RANBP2: variants seen among roughly 807,000 people sequenced by gnomAD.
RANBP2 encodes the protein E3 SUMO-protein ligase RanBP2.
RANBP2 carries 57 observed loss-of-function variants against 303.6 expected under a neutral mutation model. The ratio of observed to expected loss-of-function variants is 0.19; its 90% CI spans 0.15 to 0.23. The LOEUF (loss-of-function observed/expected upper bound fraction) is 0.23. Ranked by LOEUF, RANBP2 falls within the 10% of genes least tolerant of loss-of-function variation. The probability of loss-of-function intolerance (pLI) is 1.00; values close to 1 mark genes in which losing one functional copy is unlikely to be tolerated. For missense variants in RANBP2, 3,138 were observed against 3,780.8 expected, an observed-to-expected ratio of 0.83 and a Z score of 4.46; for synonymous variants, 1,167 against 1,301.5, an observed-to-expected ratio of 0.90 and a Z score of 2.23.
the RANBP2 span, among the ~76,000 whole-genome samples, chr2:109,670,718 T>C: frequency 6.6e-6 from 1 of 152,160 alleles, no homozygotes; most frequent in Admixed American, 6.5e-5. Context: ...CTGCTGTGGG[T>C]CCAGGGCCTG....
chr2:109,514,398 C>T, the RANBP2 span, among the ~76,000 whole-genome samples: 1 of 152,308 alleles, frequency 6.6e-6, no homozygotes, highest in South Asian at 2.1e-4. Context: ...CCCATCCGCC[C>T]ACCGCCCCCA....
chr2:108,789,959 C>A (rs539782467), downstream of RANBP2, among the ~76,000 whole-genome samples: 67 of 152,252 alleles, frequency 4.4e-4, no homozygotes, highest in African/African-American at 1.5e-3. Context: ...CCATATATAA[C>A]ATGAAATGTT....
the RANBP2 span, chr2:109,398,928 C>T: frequency 1.6e-5 from 25 of 1,611,872 alleles, no homozygotes; most frequent in East Asian, 1.3e-4. Flanking sequence ...ATCTGTCGTG[C>T]GCTGCTCCCA....
At chr2:109,337,158 G>A in the RANBP2 span, among the ~76,000 whole-genome samples, 4 of 152,292 alleles carry the variant, frequency 2.6e-5, no homozygotes, top group South Asian at 8.3e-4. Context: ...AGGGAGGTAC[G>A]AACTGGCTCA....
At chr2:109,518,911 A>ATTTTTTTTT in the RANBP2 span, among the ~76,000 whole-genome samples, 5 of 140,270 alleles carry the variant, frequency 3.6e-5, no homozygotes, top group Admixed American at 2.9e-4. Context: ...AAGGTGCTAC[A>ATTTTTTTTT]TATCTTTTTT....
At chr2:108,984,376 G>A in the RANBP2 span, among the ~76,000 whole-genome samples, 1,220 of 152,234 alleles carry the variant, frequency 8.0e-3, 11 homozygotes, top group Middle Eastern at 0.024. Context: ...CTGAACTTCC[G>A]CCCTGACTTG....
chr2:109,585,126 C>T, the RANBP2 span: 2 of 1,550,612 alleles, frequency 1.3e-6, no homozygotes, highest in Non-Finnish European at 1.7e-6. Flanking sequence ...AAACACATAC[C>T]TCTCTTCTTT....
chr2:108,732,892 T>C (rs967183266), intron 4 of RANBP2, among the ~76,000 whole-genome samples: 5 of 152,360 alleles, frequency 3.3e-5, no homozygotes, highest in South Asian at 2.1e-4. Flanking sequence ...GGCGCAATCT[T>C]GGCTCACTGC....
the RANBP2 span, among the ~76,000 whole-genome samples, chr2:109,269,150 G>T: frequency 6.6e-6 from 1 of 152,230 alleles, no homozygotes; most frequent in Non-Finnish European, 1.5e-5. Context: ...GGCATCATAG[G>T]CAGTTTCCCT....
the RANBP2 span, among the ~76,000 whole-genome samples, chr2:109,549,304 C>T: frequency 6.6e-6 from 1 of 152,288 alleles, no homozygotes; most frequent in South Asian, 2.1e-4. Flanking sequence ...ATGGAGGTTG[C>T]ATACCTCACA....
chr2:108,886,493 C>A, the RANBP2 span, among the ~76,000 whole-genome samples: 5 of 152,226 alleles, frequency 3.3e-5, no homozygotes, highest in African/African-American at 4.8e-5. Flanking sequence ...CAGCTCCCTG[C>A]ACGCTCCGCC....
At chr2:109,343,346 C>G in the RANBP2 span, among the ~76,000 whole-genome samples, 1 of 152,146 alleles carries the variant, frequency 6.6e-6, no homozygotes, top group Admixed American at 6.5e-5. Context: ...TAAACTGCCT[C>G]TCGGCATCTT....
the RANBP2 span, among the ~76,000 whole-genome samples, chr2:109,173,575 G>A: frequency 4.6e-5 from 7 of 152,092 alleles, no homozygotes; most frequent in African/African-American, 7.2e-5. Flanking sequence ...TGGTGGCTGC[G>A]GGGAAGGCCA....
chr2:108,867,707 C>CT, the RANBP2 span, among the ~76,000 whole-genome samples: 25 of 151,878 alleles, frequency 1.6e-4, no homozygotes, highest in Admixed American at 5.9e-4. Context: ...CATACTATTG[C>CT]TTTTTTTTGT....
At chr2:108,949,916 G>A in the RANBP2 span, among the ~76,000 whole-genome samples, 1 of 152,218 alleles carries the variant, frequency 6.6e-6, no homozygotes, top group Non-Finnish European at 1.5e-5. Context: ...AGCTCATGGA[G>A]GCCAATGCCC....
At chr2:109,572,757 C>G in the RANBP2 span, among the ~76,000 whole-genome samples, 1 of 151,888 alleles carries the variant, frequency 6.6e-6, no homozygotes, top group African/African-American at 2.4e-5. Flanking sequence ...GCTGGGGCTA[C>G]AGGCATGTGC....
chr2:109,172,630 C>T, the RANBP2 span, among the ~76,000 whole-genome samples: 39,831 of 152,090 alleles, frequency 0.26, 5,561 homozygotes, highest in East Asian at 0.43. Context: ...ATCACCTCTC[C>T]GGAGCCCATA....
the RANBP2 span, among the ~76,000 whole-genome samples, chr2:109,682,401 G>T: frequency 1.3e-5 from 2 of 152,164 alleles, no homozygotes; most frequent in African/African-American, 4.8e-5. Flanking sequence ...GCTAGATGGG[G>T]CTGCCTCTCC....
chr2:108,780,215 CAG>C (rs1009966434), intron 25 of RANBP2, among the ~76,000 whole-genome samples: 1 of 133,708 alleles, frequency 7.5e-6, no homozygotes, highest in South Asian at 2.4e-4. Context: ...TTTTTGGTGA[CAG>C]AGTCTTGCTC....
Sources: gnomAD v4.1 joint callset for allele counts (sites outside exome capture counted in the v4.1 genomes callset) on GRCh38, gnomAD v4.1.1 for gene constraint, MANE v1.5 for transcripts, NCBI Gene and HGNC (gene_info 2026-07-23, HGNC 2026-07-21) for gene names.